The following KCNU1 variants were observed in gnomAD, a reference collection of about 807,000 sequenced individuals.
The protein encoded by KCNU1 is potassium calcium-activated channel subfamily U member 1, also known as potassium channel subfamily U member 1.
KCNU1 carries 93 observed loss-of-function variants against 126.8 expected under a neutral mutation model. That is an observed-to-expected ratio of 0.73 (90% CI 0.62 to 0.87). The LOEUF (loss-of-function observed/expected upper bound fraction) is 0.87. Ranked by LOEUF, KCNU1 falls within the 40% of genes least tolerant of loss-of-function variation. The pLI is 0.00. For missense variants in KCNU1, 1,330 were observed against 1,367.1 expected, an observed-to-expected ratio of 0.97 and a Z score of 0.43; for synonymous variants, 523 against 494.2, an observed-to-expected ratio of 1.06 and a Z score of -0.77.
chr8:36,936,082 A>C lies in KCNU1; in HGVS notation c.*162A>C. 1.8e-6 allele frequency: 1 copy of C among 541,150 alleles called. No homozygotes were observed. The highest frequency in any genetic ancestry group is 3.4e-5 in the South Asian group (1 of 29,346). The allele number at this position is 541,150 out of a possible 1,614,324, so 33.5% of individuals were successfully genotyped here. A position where few individuals can be genotyped will look rare whatever the true frequency, so the allele number is the denominator to read the frequency against. ...CTGTTTTGGGTGAGACAAAAGTCTA[A>C]TGCCACTGGATCTTGTGTGATAAAT... On this transcript the variant is annotated 3_prime_UTR_variant, in exon 27 of 27. Transcript: ENST00000399881.
chr8:36,802,686 C>T (rs1240417977), intron 2 of KCNU1, among the ~76,000 whole-genome samples: 1 of 152,116 alleles, frequency 6.6e-6, no homozygotes, highest in Admixed American at 6.5e-5. Flanking sequence ...GGATGCTTAG[C>T]CATTAAATAT....
chr8:36,826,756 G>A (rs1804340531), intron 10 of KCNU1, among the ~76,000 whole-genome samples: 1 of 151,910 alleles, frequency 6.6e-6, no homozygotes, highest in Admixed American at 6.6e-5. Flanking sequence ...AGGGGTACCT[G>A]TTCAGGTTTG....
chr8:36,903,250 G>T (rs1807488984), intron 19 of KCNU1, among the ~76,000 whole-genome samples: 1 of 152,148 alleles, frequency 6.6e-6, no homozygotes, highest in African/African-American at 2.4e-5. Flanking sequence ...AAGCTAGCCT[G>T]CTTGAGGAAA....
chr8:36,904,303 T>C (rs1807536876), intron 19 of KCNU1, among the ~76,000 whole-genome samples: 1 of 152,120 alleles, frequency 6.6e-6, no homozygotes, highest in Admixed American at 6.5e-5. Context: ...GCAGCTAGGC[T>C]AGAAGAGACC....
At chr8:36,890,502 A>T (rs982541869) in intron 19 of KCNU1, among the ~76,000 whole-genome samples, 1 of 152,018 alleles carries the variant, frequency 6.6e-6, no homozygotes, top group East Asian at 1.9e-4. Context: ...AATTTAAAAA[A>T]ATATATATAA....
intron 2 of KCNU1, among the ~76,000 whole-genome samples, chr8:36,792,817 G>T (rs1055929423): frequency 1.3e-5 from 2 of 151,930 alleles, no homozygotes; most frequent in East Asian, 3.9e-4. Context: ...ATATATATAG[G>T]TTCTGCATAT....
rs776185663 is a variant in KCNU1 at position 36,909,441 on chromosome 8, A to T, written c.2237A>T (p.Lys746Met). Residue 746 changes from lysine (K) to methionine (M), a missense_variant, in exon 21 of 27, where the codon AAG becomes ATG. Physicochemically the swap from Lys to Met is moderately conservative, Grantham distance 95. Around this residue, in one of 3 missense-constraint regions of KCNU1, gnomAD observed 1,054 missense variants for 1,053.9 expected, o/e 1.00. Coordinates refer to ENST00000399881, the MANE Select transcript of KCNU1 (RefSeq NM_001031836.3). ...MPLRASNYTR[K>M]ELKDIVFIGS... Reference sequence around the variant, plus strand: ...TTGAGAGCCAGCAACTATACCAGGAAGGAGCTGAAGGACATAGTGTTCATT... The same window carrying T: ...TTGAGAGCCAGCAACTATACCAGGATGGAGCTGAAGGACATAGTGTTCATT... The T allele has an allele frequency of 6.2e-7, 1 of 1,613,428 alleles. No individual in the cohort carries two copies. The highest frequency in any genetic ancestry group is 1.1e-5 in the South Asian group (1 of 91,066).
intron 24 of KCNU1, among the ~76,000 whole-genome samples, chr8:36,924,503 A>T (rs1349529680): frequency 1.3e-5 from 2 of 152,186 alleles, no homozygotes; most frequent in Non-Finnish European, 2.9e-5. Context: ...ACACCCCATC[A>T]AGCTCTTAGA....
At chr8:36,864,318 C>A (rs1585478991) in intron 18 of KCNU1, 86 bp from the exon 19 acceptor site, 1 of 835,612 alleles carries the variant, frequency 1.2e-6, no homozygotes, top group African/African-American at 1.7e-5. Context: ...AGTCAAGGGT[C>A]TATAAATGGC....
At chr8:36,891,650 C>G (rs1279725936) in intron 19 of KCNU1, among the ~76,000 whole-genome samples, 2 of 152,074 alleles carry the variant, frequency 1.3e-5, no homozygotes, top group African/African-American at 4.8e-5. Flanking sequence ...TAAAAGTTTG[C>G]AAACAACAAT....
chr8:36,933,508 G>C (rs1446320497), intron 26 of KCNU1, among the ~76,000 whole-genome samples: 2 of 152,078 alleles, frequency 1.3e-5, no homozygotes, highest in Non-Finnish European at 2.9e-5. Flanking sequence ...TTTAAAGAAA[G>C]ACCACTCTGA....
At chr8:36,821,438 G>A (rs1804119731) in intron 10 of KCNU1, among the ~76,000 whole-genome samples, 1 of 152,118 alleles carries the variant, frequency 6.6e-6, no homozygotes, top group South Asian at 2.1e-4. Flanking sequence ...GTTGGAGTTG[G>A]GGTATTCACT....
At chr8:36,862,098 AG>A (rs1805751583) in intron 18 of KCNU1, among the ~76,000 whole-genome samples, 1 of 152,192 alleles carries the variant, frequency 6.6e-6, no homozygotes. Flanking sequence ...AGACATTAAC[AG>A]TCTAGCTAAA....
At chr8:36,858,350 G>T (rs1385126722) in intron 18 of KCNU1, among the ~76,000 whole-genome samples, 1 of 151,794 alleles carries the variant, frequency 6.6e-6, no homozygotes, top group African/African-American at 2.4e-5. Flanking sequence ...TTTAAACATG[G>T]ACTCCTTACA....
chr8:36,822,393 G>A (rs1476229802), intron 10 of KCNU1, among the ~76,000 whole-genome samples: 18 of 152,034 alleles, frequency 1.2e-4, no homozygotes, highest in Admixed American at 1.2e-3. Context: ...CTCAGCCAAA[G>A]TCAGTCCTAT....
chr8:36,920,495 A>T (rs2117577553), intron 23 of KCNU1, among the ~76,000 whole-genome samples: 1 of 152,304 alleles, frequency 6.6e-6, no homozygotes, highest in South Asian at 2.1e-4. Context: ...TTCTGGCACC[A>T]TGTAGCCCTT....
At chr8:36,912,890 C>T (rs1807939420) in intron 22 of KCNU1, among the ~76,000 whole-genome samples, 1 of 131,138 alleles carries the variant, frequency 7.6e-6, no homozygotes, top group Non-Finnish European at 1.6e-5. Context: ...ATCCCTTGAA[C>T]TCAAGAGGCA....
At chr8:36,824,117 G>A (rs1265193568) in intron 10 of KCNU1, among the ~76,000 whole-genome samples, 6 of 152,106 alleles carry the variant, frequency 3.9e-5, no homozygotes, top group East Asian at 3.9e-4. Flanking sequence ...GATTGCAAGC[G>A]TGAGCCACCA....
intron 20 of KCNU1, 47 bp from the exon 21 acceptor site, chr8:36,909,264 T>C: frequency 8.2e-7 from 1 of 1,225,232 alleles, no homozygotes; most frequent in Non-Finnish European, 1.2e-6. Flanking sequence ...GGAGGGATTC[T>C]CATCTTGCTT....
Sources: allele counts gnomAD v4.1 joint callset (sites outside exome capture counted in the v4.1 genomes callset), GRCh38; gene constraint gnomAD v4.1.1; regional missense constraint gnomAD v4.1.1; transcripts MANE v1.5; gene names NCBI Gene and HGNC (gene_info 2026-07-23, HGNC 2026-07-21).